Variants in NRXN3 observed in about 807,000 individuals in gnomAD.
The protein encoded by NRXN3 is neurexin III.
A neutral mutation model predicts 137.6 loss-of-function variants in NRXN3; 32 were observed. That is an observed-to-expected ratio of 0.23 (90% CI 0.18 to 0.31). The LOEUF (loss-of-function observed/expected upper bound fraction) is 0.31. Among genes scored for constraint, NRXN3 ranks in the 10% least tolerant of loss-of-function variants. NRXN3 has a pLI of 1.00. For synonymous variants in NRXN3, 798 were observed against 784.5 expected (o/e 1.02, Z -0.29); for missense variants, 1,574 against 2,062.5 (o/e 0.76, Z 4.59).
chr14:78,400,698 G>A (rs2091967674), intron 4 of NRXN3, among the ~76,000 whole-genome samples: 1 of 152,086 alleles, frequency 6.6e-6, no homozygotes, highest in South Asian at 2.1e-4. Flanking sequence ...GTAATTGATG[G>A]TCTCTGTCTT....
chr14:78,886,421 A>G (rs1358634417), intron 10 of NRXN3, among the ~76,000 whole-genome samples: 1 of 152,094 alleles, frequency 6.6e-6, no homozygotes, highest in Non-Finnish European at 1.5e-5. Flanking sequence ...AATAAATATC[A>G]TGAGTGATCA....
At chr14:78,428,468 G>A (rs183215376) in intron 4 of NRXN3, among the ~76,000 whole-genome samples, 1 of 151,940 alleles carries the variant, frequency 6.6e-6, no homozygotes, top group Non-Finnish European at 1.5e-5. Context: ...TATTATTCAG[G>A]GTTCTTCGGA....
intron 2 of NRXN3, among the ~76,000 whole-genome samples, chr14:78,245,626 G>T (rs1448212127): frequency 6.6e-6 from 1 of 152,166 alleles, no homozygotes; most frequent in Non-Finnish European, 1.5e-5. Flanking sequence ...GGCTATTTAA[G>T]AATATTTAAA....
intron 15 of NRXN3, among the ~76,000 whole-genome samples, chr14:79,391,755 G>A (rs1049233821): frequency 6.6e-6 from 1 of 152,134 alleles, no homozygotes; most frequent in African/African-American, 2.4e-5. Context: ...CATTGGTCAC[G>A]TCTAATAACT....
intron 19 of NRXN3, among the ~76,000 whole-genome samples, chr14:79,777,651 T>G (rs2099101231): frequency 6.6e-6 from 1 of 152,062 alleles, no homozygotes; most frequent in Admixed American, 6.5e-5. Flanking sequence ...GAAGGTTATT[T>G]ATTTATTCAC....
intron 15 of NRXN3, among the ~76,000 whole-genome samples, chr14:79,462,236 G>T (rs1221990024): frequency 6.6e-6 from 1 of 151,946 alleles, no homozygotes; most frequent in Non-Finnish European, 1.5e-5. Flanking sequence ...AGCCAGGTGT[G>T]GTGGTGCATG....
At chr14:78,477,293 T>C (rs1207300107) in intron 4 of NRXN3, among the ~76,000 whole-genome samples, 1 of 152,232 alleles carries the variant, frequency 6.6e-6, no homozygotes, top group African/African-American at 2.4e-5. Flanking sequence ...CATGCCTCTC[T>C]GAAGTATTAA....
chr14:79,645,393 A>G (rs867115681), intron 16 of NRXN3, among the ~76,000 whole-genome samples: 4 of 134,188 alleles, frequency 3.0e-5, no homozygotes, highest in African/African-American at 9.9e-5. Flanking sequence ...AGGTAGGTAG[A>G]TCACCTGAGG....
intron 15 of NRXN3, among the ~76,000 whole-genome samples, chr14:79,343,457 C>T (rs539627552): frequency 2.0e-5 from 3 of 152,196 alleles, no homozygotes; most frequent in East Asian, 3.9e-4. Flanking sequence ...TTTGGAAAGG[C>T]GGTTTTATAA....
intron 16 of NRXN3, among the ~76,000 whole-genome samples, chr14:79,510,840 A>C (rs1448051639): frequency 6.6e-6 from 1 of 152,074 alleles, no homozygotes; most frequent in Non-Finnish European, 1.5e-5. Context: ...GTGGCATGGG[A>C]GGTGGAGACT....
Position 79,109,852 on chromosome 14 carries a change from A to G in NRXN3, c.3262+121711A>G, listed in dbSNP as rs1400282674. Among the ~76,000 whole-genome samples, 4 of 152,156 alleles carry G rather than the reference A, an allele frequency of 2.6e-5. No individual in the cohort carries two copies. In the South Asian group the frequency reaches 6.2e-4, roughly 24 times the overall value. ...TTGGCCTACCTTCCCAGTACCTACA[A>G]TAAAGCACACTAGGCCAAATCTCTA... On this transcript the variant is annotated intron_variant, in intron 15 of 20. Coordinates refer to ENST00000335750, the MANE Select transcript of NRXN3 (RefSeq NM_001330195.2).
chr14:78,487,681 G>A (rs1177613271), intron 4 of NRXN3, among the ~76,000 whole-genome samples: 1 of 151,854 alleles, frequency 6.6e-6, no homozygotes, highest in Non-Finnish European at 1.5e-5. Context: ...GGCAGAGGTT[G>A]CAGTGAGCTG....
At chr14:78,950,319 A>G (rs1597793324) in intron 10 of NRXN3, among the ~76,000 whole-genome samples, 1 of 152,062 alleles carries the variant, frequency 6.6e-6, no homozygotes, top group African/African-American at 2.4e-5. Flanking sequence ...CTTGAGGTAG[A>G]GGTTTGGCAA....
At chr14:79,812,464 T>C (rs917452083) in intron 20 of NRXN3, among the ~76,000 whole-genome samples, 1 of 151,956 alleles carries the variant, frequency 6.6e-6, no homozygotes, top group Admixed American at 6.6e-5. Flanking sequence ...CCTAAGGATG[T>C]TGGAGCACTC....
chr14:78,629,739 T>A (rs2097502364), intron 4 of NRXN3, among the ~76,000 whole-genome samples: 1 of 152,226 alleles, frequency 6.6e-6, no homozygotes, highest in Admixed American at 6.5e-5. Flanking sequence ...GCTAGATGAC[T>A]GTGAGGTGCT....
At chr14:79,350,392 C>T (rs939413957) in intron 15 of NRXN3, among the ~76,000 whole-genome samples, 1 of 152,158 alleles carries the variant, frequency 6.6e-6, no homozygotes, top group Admixed American at 6.5e-5. Flanking sequence ...GTAGTGTCTA[C>T]TCTACTGTGG....
At chr14:79,621,251 T>C (rs2098220801) in intron 16 of NRXN3, among the ~76,000 whole-genome samples, 1 of 152,216 alleles carries the variant, frequency 6.6e-6, no homozygotes, top group Admixed American at 6.5e-5. Context: ...TAATTACTAA[T>C]CAGCACCCAA....
At position 79,640,429 on chromosome 14, in the gene NRXN3, C is replaced by T. The variant is rs2098426506; in HGVS notation, c.3445-23349C>T. ...GTAGTTTTCCCATTCCTAATGTCCA[C>T]ACTATCTTGACCACTACCAAGAAAC... On this transcript the variant is annotated intron_variant, in intron 16 of 20. Transcript: ENST00000335750. 1.5e-5 allele frequency among the ~76,000 whole-genome samples: 2 copies of T among 135,872 alleles called. 1 individual carries two copies. The highest frequency in any genetic ancestry group is 4.6e-4 in the South Asian group (2 of 4,378). The allele number at this position is 135,872 out of a possible 152,430, so 89.1% of individuals were successfully genotyped here.
intron 10 of NRXN3, among the ~76,000 whole-genome samples, chr14:78,937,476 G>A (rs1256230122): frequency 2.0e-5 from 3 of 152,164 alleles, no homozygotes; most frequent in Non-Finnish European, 4.4e-5. Context: ...GCTGCTCACT[G>A]TTCCTGTTTT....
Sources: gnomAD v4.1 joint callset for allele counts (sites outside exome capture counted in the v4.1 genomes callset) on GRCh38, gnomAD v4.1.1 for gene constraint, MANE v1.5 for transcripts, NCBI Gene and HGNC (gene_info 2026-07-23, HGNC 2026-07-21) for gene names.